Variants in MKKS observed in about 807,000 individuals in gnomAD.
MKKS encodes MKKS centrosomal shuttling protein.
Under a neutral mutation model 33.2 loss-of-function variants are expected in MKKS, and 29 were observed. That is an observed-to-expected ratio of 0.87 (90% confidence interval 0.65 to 1.19). The LOEUF (loss-of-function observed/expected upper bound fraction) is 1.19. Ranked by LOEUF, MKKS falls within the 50% of genes most tolerant of loss-of-function variation. The probability of loss-of-function intolerance (pLI) is 0.00; values close to 1 mark genes in which losing one functional copy is unlikely to be tolerated. For missense variants in MKKS, 661 were observed against 662.3 expected (o/e 1.00, Z 0.02); for synonymous variants, 260 against 244.0 (o/e 1.07, Z -0.61).
chr20:10,421,057 T>G (rs925391385), intron 1 of MKKS, among the ~76,000 whole-genome samples: 1 of 152,164 alleles, frequency 6.6e-6, no homozygotes, highest in African/African-American at 2.4e-5. Flanking sequence ...CACACATGCA[T>G]GGAGTGTTCT....
At chr20:10,430,619 C>T (rs960284270) in intron 1 of MKKS, among the ~76,000 whole-genome samples, 6 of 152,146 alleles carry the variant, frequency 3.9e-5, no homozygotes, top group Non-Finnish European at 8.8e-5. Context: ...AATAAAAATA[C>T]CCAGTCTCAA....
intron 1 of MKKS, among the ~76,000 whole-genome samples, chr20:10,433,769 G>A (rs1169543419): frequency 6.6e-6 from 1 of 152,104 alleles, no homozygotes; most frequent in Admixed American, 6.5e-5. Flanking sequence ...CCCTCCCAGC[G>A]AGGGAGGGGA....
chr20:10,405,666 T>C lies in MKKS; in HGVS notation c.1294A>G (p.Ile432Val). 1.2e-6 allele frequency: 2 copies of C among 1,614,102 alleles called. No homozygotes were observed. Among genetic ancestry groups the C allele is most frequent in the Non-Finnish European group, 1.7e-6 (2 of 1,179,928 alleles). ...TGAGTACATTCATCATCTTTGAGAATGCTTTCTGGGTCGTTGTGAGTCTAA... is the reference window on the plus strand; with the variant it reads ...TGAGTACATTCATCATCTTTGAGAACGCTTTCTGGGTCGTTGTGAGTCTAA... ...RHKTHNDPESILKDDECTQTE... is the reference protein window; with the variant it reads ...RHKTHNDPESVLKDDECTQTE... Residue 432 changes from isoleucine (I) to valine (V), a missense_variant, in exon 6 of 6, where the codon ATT becomes GTT. Physicochemically the swap from Ile to Val is conservative, Grantham distance 29 (BLOSUM62 3). Coordinates refer to ENST00000347364, the MANE Select transcript of MKKS (RefSeq NM_170784.3).
intron 1 of MKKS, among the ~76,000 whole-genome samples, chr20:10,423,097 C>CT (rs36096848): frequency 6.6e-6 from 1 of 151,976 alleles, no homozygotes; most frequent in African/African-American, 2.4e-5. Context: ...CATTTGTCAG[C>CT]TTTTTTCTGA....
At position 10,405,474 on chromosome 20, in the gene MKKS, G is replaced by A. The variant is rs2064836017; in HGVS notation, c.1486C>T (p.Gln496Ter). Reference protein sequence around the residue: ...CVANWPDLLSQCGCGLYNSQE... With the variant: ...CVANWPDLLS ...CTATTGTATAATCCACAGCCACACT[G>A]TGAAAGCAAATCTGGCCAGTTAGCA... The change falls in exon 6 of 6, where the codon CAG becomes TAG. Residue 496 changes from glutamine to a stop codon, truncating the protein, a stop_gained. Transcript: ENST00000347364. LOFTEE classifies it high-confidence loss of function. 1 of 1,614,052 alleles carries A rather than the reference G, an allele frequency of 6.2e-7. No homozygotes were observed. Among genetic ancestry groups the A allele is most frequent in the African/African-American group, 1.3e-5 (1 of 74,930 alleles).
rs558098833 is a variant in MKKS, at chr20:10,421,794, T to A, written c.-648-1036A>T. Among the ~76,000 whole-genome samples the A allele has an allele frequency of 4.6e-5, 7 of 151,578 alleles. 1 individual carries two copies. In the South Asian group the frequency reaches 1.5e-3, roughly 31 times the overall value. On this transcript the variant is annotated intron_variant, in intron 1 of 5. Coordinates refer to ENST00000347364, the MANE Select transcript of MKKS (RefSeq NM_170784.3). ...GCTTTTAAAATATATATATATATAT[T>A]TTAAATTTGGAAAGGATGGAAGTAG...
chr20:10,417,083 A>G (rs1158192629), intron 2 of MKKS, among the ~76,000 whole-genome samples: 2 of 152,078 alleles, frequency 1.3e-5, no homozygotes, highest in African/African-American at 4.8e-5. Flanking sequence ...CCCTGTCTCT[A>G]CTAAAAAAAT....
chr20:10,405,311 T>G lies in MKKS; in HGVS notation c.1649A>C (p.Gln550Pro). Residue 550 changes from glutamine to proline, a missense_variant, in exon 6 of 6, where the codon CAG (glutamine) becomes CCG (proline). Coordinates refer to ENST00000347364, the MANE Select transcript of MKKS (RefSeq NM_170784.3). The stretch of plus-strand genomic sequence containing the variant: ...CAAATTGGCTGTCTCTACAGCCACC[T>G]GTAGGCCACTAAGCTTTGCAGTCAA... The part of the protein sequence containing the change: ...DCLTAKLSGL[Q>P]VAVETANLIL... The G allele has an allele frequency of 6.2e-7, 1 of 1,614,032 alleles. No individual in the cohort carries two copies. The highest frequency in any genetic ancestry group is 8.5e-7 in the Non-Finnish European group (1 of 1,179,910).
chr20:10,419,199 T>C (rs1365397005), intron 2 of MKKS, among the ~76,000 whole-genome samples: 1 of 152,124 alleles, frequency 6.6e-6, no homozygotes, highest in African/African-American at 2.4e-5. Context: ...TAACAAAACT[T>C]AGAGCATATT....
Position 10,405,386 on chromosome 20 carries a change from C to CA in MKKS, c.1573dup (p.Cys525LeufsTer5), listed in dbSNP as rs2122219488. The CA allele has an allele frequency of 6.2e-7, 1 of 1,614,174 alleles. No homozygotes were observed. The highest frequency in any genetic ancestry group is 1.3e-5 in the African/African-American group (1 of 75,042). ...TGAGCCCACAGCTTCATGTGGAAGG[C>CA]AGCTTTGTGGCACAAATGGACGACG... is the stretch of plus-strand genomic sequence containing the variant. On this transcript the variant is annotated frameshift_variant, in exon 6 of 6. Transcript: ENST00000347364. LOFTEE classifies it high-confidence loss of function.
intron 3 of MKKS, among the ~76,000 whole-genome samples, chr20:10,411,834 T>G (rs1478999391): frequency 6.6e-6 from 1 of 152,240 alleles, no homozygotes; most frequent in African/African-American, 2.4e-5. Flanking sequence ...TCATTTTTCT[T>G]TGGCTCTAAC....
rs1309710762 is a variant in MKKS, at chr20:10,405,354, T to G, written c.1606A>C (p.Asn536His). ...LPHEAVGSAS[N>H]LTLDCLTAKL... Reference sequence around the variant, plus strand: ...GCAGTCAAACAGTCCAAGGTCAGGTTGCTGGCTGAGCCCACAGCTTCATGT... The same window carrying G: ...GCAGTCAAACAGTCCAAGGTCAGGTGGCTGGCTGAGCCCACAGCTTCATGT... Residue 536 changes from asparagine (N) to histidine (H), a missense_variant, in exon 6 of 6, where the codon AAC becomes CAC. Physicochemically the swap from Asn to His is moderately conservative, Grantham distance 68. Transcript: ENST00000347364. 1.9e-6 allele frequency: 3 copies of G among 1,614,120 alleles called. No individual in the cohort carries two copies. Among genetic ancestry groups the G allele is most frequent in the Non-Finnish European group, 2.5e-6 (3 of 1,180,044 alleles).
chr20:10,411,709 G>C (rs1018473370), intron 3 of MKKS, among the ~76,000 whole-genome samples: 1 of 152,216 alleles, frequency 6.6e-6, no homozygotes, highest in African/African-American at 2.4e-5. Context: ...AATGGTTTAA[G>C]TCTAGTAACT....
chr20:10,413,082 TA>T lies in MKKS; in HGVS notation c.432del (p.Phe144LeufsTer15). 1.9e-6 allele frequency: 3 copies of T among 1,614,004 alleles called. No homozygotes were observed. The highest frequency in any genetic ancestry group is 2.5e-6 in the Non-Finnish European group (3 of 1,179,998). On this transcript the variant is annotated frameshift_variant, in exon 3 of 6. Coordinates refer to ENST00000347364, the MANE Select transcript of MKKS (RefSeq NM_170784.3). LOFTEE classifies it high-confidence loss of function. Reference protein sequence around the residue: ...ETCGCRIPVDFSSTQILLCLV... With the variant: ...ETCGCRIPVDXSSTQILLCLV... ...AAACAAAGGAGGATCTGAGTACTAC[TA>T]AAGTCCACTGGGATTCGACAACCAC...
At chr20:10,411,394 T>G (rs2064885653) in intron 3 of MKKS, among the ~76,000 whole-genome samples, 1 of 152,144 alleles carries the variant, frequency 6.6e-6, no homozygotes, top group Non-Finnish European at 1.5e-5. Context: ...ACTACAGGCA[T>G]GTACCACACC....
intron 2 of MKKS, among the ~76,000 whole-genome samples, chr20:10,416,643 T>C (rs1231610275): frequency 1.3e-5 from 2 of 152,208 alleles, no homozygotes; most frequent in African/African-American, 4.8e-5. Context: ...TTGCTTTCCT[T>C]GTATAAATGC....
chr20:10,431,248 C>G lies in MKKS; in HGVS notation c.-649+2860G>C, dbSNP rs190000272. Reference sequence around the variant, plus strand: ...TATTTTGACTAAAATTGGGTTCCAACTTATAAGGTGAGGAAATACTGTAAA... The same window carrying G: ...TATTTTGACTAAAATTGGGTTCCAAGTTATAAGGTGAGGAAATACTGTAAA... On this transcript the variant is annotated intron_variant, in intron 1 of 5. Transcript: ENST00000347364. Among the ~76,000 whole-genome samples, 231 of 152,196 alleles carry G rather than the reference C, an allele frequency of 1.5e-3. 2 individuals carry two copies. Among genetic ancestry groups the G allele is most frequent in the Non-Finnish European group, 1.9e-4 (13 of 68,024 alleles).
chr20:10,408,640 C>A lies in MKKS; in HGVS notation c.1149G>T (p.Trp383Cys). The A allele has an allele frequency of 6.2e-7, 1 of 1,614,018 alleles. No individual in the cohort carries two copies. The highest frequency in any genetic ancestry group is 8.5e-7 in the Non-Finnish European group (1 of 1,179,976). Residue 383 changes from tryptophan (W) to cysteine (C), a missense_variant, in exon 4 of 6, where the codon TGG becomes TGT. Transcript: ENST00000347364. ...LLLCNRNDTA[W>C]DELKLTCQTA... ...GTTCATTACCTACCTTCAGCTCATCCCAGGCAGTGTCATTTCTGTTGCAGA... is the reference window on the plus strand; with the variant it reads ...GTTCATTACCTACCTTCAGCTCATCACAGGCAGTGTCATTTCTGTTGCAGA...
At chr20:10,410,199 T>C (rs1189554972) in intron 3 of MKKS, among the ~76,000 whole-genome samples, 1 of 152,164 alleles carries the variant, frequency 6.6e-6, no homozygotes, top group Non-Finnish European at 1.5e-5. Context: ...AGATTCTGCA[T>C]GAGAAGGCCG....
Sources: gnomAD v4.1 joint callset for allele counts (sites outside exome capture counted in the v4.1 genomes callset) on GRCh38, gnomAD v4.1.1 for gene constraint, MANE v1.5 for transcripts, NCBI Gene and HGNC (gene_info 2026-07-23, HGNC 2026-07-21) for gene names.